The following RAF1 variants were observed in gnomAD, a reference collection of about 807,000 sequenced individuals.
RAF1 encodes the protein RAF proto-oncogene serine/threonine-protein kinase.
In RAF1, 27 loss-of-function variants were observed where a neutral mutation model predicts 81.1. The observed-to-expected ratio is 0.33, with a 90% CI of 0.25 to 0.46. The LOEUF is 0.46. Among genes scored for constraint, RAF1 ranks in the 20% least tolerant of loss-of-function variants. The probability of loss-of-function intolerance (pLI) is 1.00; values close to 1 mark genes in which losing one functional copy is unlikely to be tolerated. For missense variants in RAF1, 598 were observed against 826.0 expected (o/e 0.72, Z 3.38); for synonymous variants, 298 against 294.0 (o/e 1.01, Z -0.14).
chr3:12,612,384 C>T (rs947557580), intron 2 of RAF1, among the ~76,000 whole-genome samples: 1 of 152,116 alleles, frequency 6.6e-6, no homozygotes, highest in East Asian at 1.9e-4. Context: ...CACGGTGGCT[C>T]ACGCCTGTAA....
intron 1 of RAF1, among the ~76,000 whole-genome samples, chr3:12,659,831 A>G (rs2060819450): frequency 6.6e-6 from 1 of 152,228 alleles, no homozygotes; most frequent in Non-Finnish European, 1.5e-5. Flanking sequence ...TGTTTGGCTA[A>G]CAAGCTCCTC....
chr3:12,611,886 T>TA lies in RAF1; in HGVS notation c.320+63dup, dbSNP rs1416365397. On this transcript the variant is annotated intron_variant, in intron 3 of 17. Coordinates refer to ENST00000442415, the MANE Select transcript of RAF1 (RefSeq NM_001354689.3). ...AAGCTAGTACAATTTAATACAAACATAGCTATTTGAAGCTAGAAGATCCTT... is the reference window on the plus strand; with the variant it reads ...AAGCTAGTACAATTTAATACAAACATAAGCTATTTGAAGCTAGAAGATCCTT... 3.5e-5 allele frequency: 39 copies of TA among 1,106,430 alleles called. 1 individual carries two copies. Among genetic ancestry groups the TA allele is most frequent in the Non-Finnish European group, 5.2e-5 (37 of 716,214 alleles). 68.5% of individuals were successfully genotyped at this position (1,106,430 alleles called of 1,614,324 possible).
chr3:12,636,436 A>G lies in RAF1; in HGVS notation c.-26-17689T>C, dbSNP rs1271251225. 5.0e-5 allele frequency among the ~76,000 whole-genome samples: 4 copies of G among 80,716 alleles called. No individual in the cohort carries two copies. The East Asian group carries it at 1.8e-3, about 37-fold the overall frequency. The allele number at this position is 80,716 out of a possible 152,430, so 53.0% of individuals were successfully genotyped here. ...AGCCTGGGCAACATAACAAGACTGT[A>G]TATCTTTAAAAAAAAAAAAACTGAT... is the stretch of plus-strand genomic sequence containing the variant. On this transcript the variant is annotated intron_variant, in intron 1 of 17. Coordinates refer to ENST00000442415, the MANE Select transcript of RAF1 (RefSeq NM_001354689.3).
intron 11 of RAF1, among the ~76,000 whole-genome samples, chr3:12,593,015 C>G (rs2058568312): frequency 6.6e-6 from 1 of 151,896 alleles, no homozygotes; most frequent in Admixed American, 6.6e-5. Flanking sequence ...GCTGGGATTA[C>G]AGGTATGAGC....
intron 1 of RAF1, among the ~76,000 whole-genome samples, chr3:12,645,390 A>AG (rs1248991017): frequency 6.6e-6 from 1 of 152,152 alleles, no homozygotes; most frequent in East Asian, 1.9e-4. Flanking sequence ...TTTTTGATGA[A>AG]GAAAAAAAGT....
At chr3:12,631,705 A>G (rs1412266174) in intron 1 of RAF1, among the ~76,000 whole-genome samples, 1 of 152,214 alleles carries the variant, frequency 6.6e-6, no homozygotes, top group Non-Finnish European at 1.5e-5. Context: ...ATCCCACAGA[A>G]GAACACCCAC....
intron 3 of RAF1, among the ~76,000 whole-genome samples, chr3:12,611,632 G>A (rs112897467): frequency 6.6e-5 from 10 of 152,232 alleles, no homozygotes; most frequent in South Asian, 2.1e-4. Flanking sequence ...CCCGGGAGGC[G>A]GAGCTTGCGG....
chr3:12,651,110 CATT>C (rs2060509736), intron 1 of RAF1, among the ~76,000 whole-genome samples: 1 of 152,168 alleles, frequency 6.6e-6, no homozygotes, highest in African/African-American at 2.4e-5. Flanking sequence ...CAAAGGCACT[CATT>C]ATAAATAGCA....
At position 12,585,188 on chromosome 3, in the gene RAF1, A is replaced by G. The variant is rs2058291630; in HGVS notation, c.1662T>C (p.Tyr554=). 6.2e-7 allele frequency: 1 copy of G among 1,614,092 alleles called. No homozygotes were observed. ...TCATCAGTTCATACAATACGATGCC[A>G]TAGGAGTAGACATCCGACTGGAAAC... The change falls in exon 16 of 18, where the codon TAT becomes TAC. Residue 554 remains tyrosine, a synonymous_variant. Coordinates refer to ENST00000442415, the MANE Select transcript of RAF1 (RefSeq NM_001354689.3).
chr3:12,587,780 C>T, intron 13 of RAF1, 143 bp from the exon 13 acceptor site: 1 of 667,998 alleles, frequency 1.5e-6, no homozygotes. Context: ...TGCTGTTCAG[C>T]CTGGTTCACA....
At position 12,608,898 on chromosome 3, in the gene RAF1, G is replaced by A. The variant is rs2125417018; in HGVS notation, c.449C>T (p.Ala150Val). Residue 150 changes from alanine to valine, a missense_variant, in exon 5 of 18, where the codon GCC (alanine) becomes GTC (valine). Ala to Val is a moderately conservative substitution (Grantham distance 64). Transcript: ENST00000442415. ...GAATTTCTGACAGATGTCACAGAAG[G>A]CAAGCTTCAGGAACGTCTTCCGAGC... 6.2e-7 allele frequency: 1 copy of A among 1,614,108 alleles called. No homozygotes were observed. The highest frequency in any genetic ancestry group is 8.5e-7 in the Non-Finnish European group (1 of 1,180,012).
At chr3:12,591,906 C>T (rs1480749211) in intron 11 of RAF1, 114 bp from the exon 11 acceptor site, 9 of 836,714 alleles carry the variant, frequency 1.1e-5, no homozygotes, top group Non-Finnish European at 1.8e-5. Context: ...CATACCTACA[C>T]AGATACGGCA....
chr3:12,642,671 T>TAC (rs71063856), intron 1 of RAF1, among the ~76,000 whole-genome samples: 22,634 of 116,800 alleles, frequency 0.19, 2,206 homozygotes, highest in East Asian at 0.31. Context: ...ACACCATCTC[T>TAC]ACACACACAC....
chr3:12,615,370 G>A (rs1417542488), intron 2 of RAF1, among the ~76,000 whole-genome samples: 2 of 152,112 alleles, frequency 1.3e-5, no homozygotes, highest in African/African-American at 4.8e-5. Flanking sequence ...AATCAGATAC[G>A]CGTCCTCTGT....
intron 1 of RAF1, among the ~76,000 whole-genome samples, chr3:12,626,681 TA>T (rs1333832053): frequency 6.6e-6 from 1 of 152,148 alleles, no homozygotes; most frequent in Non-Finnish European, 1.5e-5. Context: ...AAACTAATTG[TA>T]AAATCACATT....
At chr3:12,592,132 T>C (rs2058535800) in intron 11 of RAF1, 4 of 367,142 alleles carry the variant, frequency 1.1e-5, no homozygotes, top group South Asian at 6.5e-5. Context: ...AGGCCTTCGA[T>C]AGCCTTGGTT....
chr3:12,623,535 C>G (rs773047726), intron 1 of RAF1, among the ~76,000 whole-genome samples: 1 of 151,792 alleles, frequency 6.6e-6, no homozygotes, highest in Non-Finnish European at 1.5e-5. Context: ...CGGGGGCTCA[C>G]GCCTGTAATC....
At chr3:12,617,706 T>C (rs535010228) in intron 2 of RAF1, among the ~76,000 whole-genome samples, 1 of 151,370 alleles carries the variant, frequency 6.6e-6, no homozygotes, top group African/African-American at 2.4e-5. Flanking sequence ...GTTAACATGG[T>C]GAAACCCCGT....
intron 14 of RAF1, 65 bp from the exon 14 acceptor site, chr3:12,585,864 A>G: frequency 8.9e-7 from 1 of 1,127,818 alleles, no homozygotes; most frequent in South Asian, 1.2e-5. Context: ...AAATATCCCA[A>G]AGTTCTTTAT....
Sources: allele counts gnomAD v4.1 joint callset (sites outside exome capture counted in the v4.1 genomes callset), GRCh38; gene constraint gnomAD v4.1.1; transcripts MANE v1.5; gene names NCBI Gene and HGNC (gene_info 2026-07-23, HGNC 2026-07-21).